MEI4: variants seen among roughly 807,000 people sequenced by gnomAD.
MEI4 encodes meiosis-specific protein MEI4.
Under a neutral mutation model 31.4 loss-of-function variants are expected in MEI4, and 27 were observed. The ratio of observed to expected loss-of-function variants is 0.86; its 90% confidence interval spans 0.63 to 1.19. The LOEUF (loss-of-function observed/expected upper bound fraction) is 1.19, where lower values mean the gene tolerates loss of function less well. Among genes scored for constraint, MEI4 ranks in the 50% most tolerant of loss-of-function variants. The pLI is 0.00. For missense variants in MEI4, 329 were observed against 398.9 expected (o/e 0.82, Z 1.49); for synonymous variants, 122 against 145.4 (o/e 0.84, Z 1.16).
At chr6:77,715,799 C>T (rs537942575) in intron 2 of MEI4, among the ~76,000 whole-genome samples, 37 of 152,198 alleles carry the variant, frequency 2.4e-4, no homozygotes, top group African/African-American at 8.4e-4. Context: ...CTTAACGTCA[C>T]GTGATGAGTT....
rs557304440 is a variant in MEI4 at position 77,924,710 on chromosome 6, A to C, written c.*1364A>C. 1 of 151,788 alleles carries C rather than the reference A, an allele frequency of 6.6e-6. No homozygotes were observed. Among genetic ancestry groups the C allele is most frequent in the Non-Finnish European group, 1.5e-5 (1 of 67,874 alleles). The allele number at this position is 151,788 out of a possible 1,614,324, so 9.4% of individuals were successfully genotyped here. A position where few individuals can be genotyped will look rare whatever the true frequency, so the allele number is the denominator to read the frequency against. On this transcript the variant is annotated 3_prime_UTR_variant, in exon 5 of 5. Transcript: ENST00000684080. ...TAGCTTCTCAGTGGAAGCTCCTCTC[A>C]TGGCAGTGGCAATTGAGCAAGACGA...
At chr6:77,849,212 A>C (rs1049470710) in intron 4 of MEI4, among the ~76,000 whole-genome samples, 12 of 152,340 alleles carry the variant, frequency 7.9e-5, no homozygotes, top group African/African-American at 2.9e-4. Flanking sequence ...TAATATATTC[A>C]GATTTATAAA....
At chr6:77,714,351 A>G (rs796652483) in intron 2 of MEI4, among the ~76,000 whole-genome samples, 1 of 152,300 alleles carries the variant, frequency 6.6e-6, no homozygotes, top group African/African-American at 2.4e-5. Flanking sequence ...ATTTCTTTAT[A>G]ACATGAATGT....
rs533137957 is a variant in MEI4 at position 77,864,947 on chromosome 6, A to G, written c.900+35885A>G. On this transcript the variant is annotated intron_variant, in intron 4 of 4. Coordinates refer to ENST00000684080, the MANE Select transcript of MEI4 (RefSeq NM_001322247.2). ...GAAACTCACTCAAAACCGCTCAACT[A>G]CATGGAAACTGAACAACCTGCTCCT... 1.4e-3 allele frequency among the ~76,000 whole-genome samples: 214 copies of G among 152,334 alleles called. 1 individual carries two copies. The highest frequency in any genetic ancestry group is 4.5e-3 in the African/African-American group (187 of 41,578).
At chr6:77,689,244 T>C (rs1365966203) in intron 1 of MEI4, among the ~76,000 whole-genome samples, 4 of 152,036 alleles carry the variant, frequency 2.6e-5, no homozygotes, top group Non-Finnish European at 4.4e-5. Flanking sequence ...TCATTTGTTG[T>C]ACTTAACACT....
chr6:77,653,739 G>A (rs1438509488), intron 1 of MEI4, among the ~76,000 whole-genome samples: 1 of 152,146 alleles, frequency 6.6e-6, no homozygotes, highest in Non-Finnish European at 1.5e-5. Context: ...AGAGTAAGCT[G>A]TTAATAGAAG....
intron 3 of MEI4, among the ~76,000 whole-genome samples, chr6:77,793,101 A>AT (rs75181414): frequency 3.0e-4 from 45 of 150,568 alleles, no homozygotes; most frequent in South Asian, 2.3e-3. Flanking sequence ...TAGTGCATGG[A>AT]TTTTTTTTTT....
At chr6:77,908,587 C>T (rs1159245984) in intron 4 of MEI4, among the ~76,000 whole-genome samples, 5 of 152,118 alleles carry the variant, frequency 3.3e-5, no homozygotes, top group Non-Finnish European at 7.4e-5. Context: ...AGCATGATGC[C>T]TCCAGCTTTG....
intron 4 of MEI4, among the ~76,000 whole-genome samples, chr6:77,873,485 T>C (rs1771249990): frequency 6.6e-6 from 1 of 152,234 alleles, no homozygotes; most frequent in Admixed American, 6.5e-5. Context: ...TTTGAGTTCA[T>C]TGTAGATTCT....
In MEI4 at chr6:77,766,014, C is replaced by CTGATTTTCTAAGCA. The variant is rs369765940; in HGVS notation, c.768+4350_768+4363dup. 4.1e-3 allele frequency among the ~76,000 whole-genome samples: 626 copies of CTGATTTTCTAAGCA among 152,260 alleles called. 4 individuals carry two copies. The highest frequency in any genetic ancestry group is 0.015 in the African/African-American group (608 of 41,556). The stretch of plus-strand genomic sequence containing the variant: ...ATGGACACAGGAAGGGGACCATCAG[C>CTGATTTTCTAAGCA]TGATTTTCTAAGCAGCAGCTCTTAT... On this transcript the variant is annotated intron_variant, in intron 3 of 4. Coordinates refer to ENST00000684080, the MANE Select transcript of MEI4 (RefSeq NM_001322247.2).
chr6:77,887,302 CTTTTT>C (rs1771645921), intron 4 of MEI4, among the ~76,000 whole-genome samples: 1 of 134,068 alleles, frequency 7.5e-6, no homozygotes, highest in South Asian at 2.3e-4. Flanking sequence ...CTTTTTTATT[CTTTTT>C]TGAGATGGAG....
intron 3 of MEI4, among the ~76,000 whole-genome samples, chr6:77,795,365 G>C (rs1234664303): frequency 6.6e-6 from 1 of 152,036 alleles, no homozygotes; most frequent in African/African-American, 2.4e-5. Flanking sequence ...CCCTCTGTTA[G>C]AGGCAGCCTT....
At chr6:77,686,776 A>G (rs1769062079) in intron 1 of MEI4, among the ~76,000 whole-genome samples, 1 of 151,714 alleles carries the variant, frequency 6.6e-6, no homozygotes. Context: ...AGGGGAATAC[A>G]TACTTTGAAG....
intron 4 of MEI4, 39 bp downstream of exon 4, chr6:77,829,101 A>T: frequency 8.2e-7 from 1 of 1,214,484 alleles, no homozygotes; most frequent in Non-Finnish European, 1.0e-6. Flanking sequence ...ATATATAGTT[A>T]TTGTAACTAT....
chr6:77,888,978 T>C (rs768876488), intron 4 of MEI4, among the ~76,000 whole-genome samples: 2 of 152,134 alleles, frequency 1.3e-5, no homozygotes, highest in Non-Finnish European at 2.9e-5. Context: ...CATATGTGCT[T>C]CCCCTTCCTC....
At chr6:77,754,096 G>T (rs1045655077) in intron 2 of MEI4, among the ~76,000 whole-genome samples, 1 of 151,966 alleles carries the variant, frequency 6.6e-6, no homozygotes, top group African/African-American at 2.4e-5. Context: ...ACCATGTCCT[G>T]TAGGGGGTTA....
At chr6:77,776,340 A>G (rs750719369) in intron 3 of MEI4, among the ~76,000 whole-genome samples, 7 of 152,040 alleles carry the variant, frequency 4.6e-5, no homozygotes, top group Non-Finnish European at 1.0e-4. Context: ...TGATTTTAAT[A>G]AAATATCTAT....
chr6:77,925,511 TAATG>T lies in MEI4; in HGVS notation c.*2171_*2174del, dbSNP rs1201964822. On this transcript the variant is annotated 3_prime_UTR_variant, in exon 5 of 5. Transcript: ENST00000684080. ...TCTGTGTTTCAGTAAAGCAGTGAATTAATGAATGATTTAAACTGGTATTACAATG... is the reference window on the plus strand; with the variant it reads ...TCTGTGTTTCAGTAAAGCAGTGAATTAATGATTTAAACTGGTATTACAATG... The T allele has an allele frequency of 2.6e-5, 4 of 151,712 alleles. No individual in the cohort carries two copies. The highest frequency in any genetic ancestry group is 1.3e-4 in the Admixed American group (2 of 15,168). The allele number at this position is 151,712 out of a possible 1,614,324, so 9.4% of individuals were successfully genotyped here. A position where few individuals can be genotyped will look rare whatever the true frequency, so the allele number is the denominator to read the frequency against.
At chr6:77,877,968 C>T (rs1488257817) in intron 4 of MEI4, among the ~76,000 whole-genome samples, 1 of 151,908 alleles carries the variant, frequency 6.6e-6, no homozygotes, top group African/African-American at 2.4e-5. Flanking sequence ...ATGAGTTGAA[C>T]CTGATGAAAA....
Sources: gnomAD v4.1 joint callset for allele counts (sites outside exome capture counted in the v4.1 genomes callset) on GRCh38, gnomAD v4.1.1 for gene constraint, MANE v1.5 for transcripts, NCBI Gene and HGNC (gene_info 2026-07-23, HGNC 2026-07-21) for gene names.